BCL7C: variants seen among roughly 807,000 people sequenced by gnomAD.
BCL7C encodes the protein BAF chromatin remodeling complex subunit BCL7C, also known as B-cell CLL/lymphoma 7 protein family member C.
BCL7C carries 8 observed loss-of-function variants against 26.2 expected under a neutral mutation model. The ratio of observed to expected loss-of-function variants is 0.30; its 90% CI spans 0.18 to 0.55. The LOEUF (loss-of-function observed/expected upper bound fraction) is 0.55, where lower values mean the gene tolerates loss of function less well. Among genes scored for constraint, BCL7C ranks in the 20% least tolerant of loss-of-function variants. The pLI is 0.93. For missense variants in BCL7C, 262 were observed against 298.5 expected, an observed-to-expected ratio of 0.88 and a Z score of 0.90; for synonymous variants, 90 against 116.5, an observed-to-expected ratio of 0.77 and a Z score of 1.47.
At chr16:30,838,454 C>T (rs1216692893) in intron 5 of BCL7C, among the ~76,000 whole-genome samples, 1 of 152,094 alleles carries the variant, frequency 6.6e-6, no homozygotes. Flanking sequence ...GGGTTTGCTC[C>T]TTGGAGGATT....
chr16:30,848,448 C>T (rs2054649026), intron 5 of BCL7C, among the ~76,000 whole-genome samples: 1 of 152,138 alleles, frequency 6.6e-6, no homozygotes, highest in African/African-American at 2.4e-5. Context: ...CAGCAGAGAC[C>T]ACCAGGCAAT....
At chr16:30,890,907 C>G (rs1047958224) in intron 4 of BCL7C, among the ~76,000 whole-genome samples, 2 of 152,052 alleles carry the variant, frequency 1.3e-5, no homozygotes, top group African/African-American at 4.8e-5. Flanking sequence ...ATCGCTTGAA[C>G]CCGGGAGGCA....
intron 5 of BCL7C, among the ~76,000 whole-genome samples, chr16:30,836,249 G>A (rs888386315): frequency 5.9e-5 from 9 of 152,036 alleles, no homozygotes; most frequent in Admixed American, 3.3e-4. Flanking sequence ...GCAAGAATCC[G>A]TCTCAAAAAC....
At chr16:30,880,779 G>A (rs62058601) in intron 5 of BCL7C, among the ~76,000 whole-genome samples, 1 of 151,940 alleles carries the variant, frequency 6.6e-6, no homozygotes, top group African/African-American at 2.4e-5. Flanking sequence ...GCTCACTGCA[G>A]TGTTGAACTT....
At chr16:30,848,590 T>C (rs983660770) in intron 5 of BCL7C, among the ~76,000 whole-genome samples, 8 of 152,080 alleles carry the variant, frequency 5.3e-5, no homozygotes, top group African/African-American at 1.9e-4. Context: ...CTATCCATTA[T>C]TGAAAGTAGG....
chr16:30,891,949 G>A (rs1555483813), intron 4 of BCL7C, among the ~76,000 whole-genome samples: 1 of 138,162 alleles, frequency 7.2e-6, no homozygotes, highest in Admixed American at 7.3e-5. Flanking sequence ...GGGTGACAGA[G>A]ACCTTGTCTC....
At chr16:30,867,749 C>T (rs1337513822) in intron 5 of BCL7C, among the ~76,000 whole-genome samples, 1 of 151,994 alleles carries the variant, frequency 6.6e-6, no homozygotes, top group Non-Finnish European at 1.5e-5. Context: ...GCCAAGATCG[C>T]GCCACTGCAC....
In BCL7C at chr16:30,865,701, G is replaced by A. The variant is rs186381591; in HGVS notation, c.528+23159C>T. Among the ~76,000 whole-genome samples, 333 of 150,418 alleles carry A rather than the reference G, an allele frequency of 2.2e-3. 2 individuals are homozygous for A. Among genetic ancestry groups the A allele is most frequent in the African/African-American group, 6.9e-3 (283 of 41,028 alleles). On this transcript the variant is annotated intron_variant, in intron 5 of 5. Coordinates refer to the BCL7C transcript ENST00000380317. ...CATCTGTATTTCCTGACATTTTACC[G>A]TGCACATACATATGGCTTTTTTTTT...
chr16:30,857,789 G>C (rs2054735855), intron 5 of BCL7C, among the ~76,000 whole-genome samples: 1 of 152,000 alleles, frequency 6.6e-6, no homozygotes, highest in Admixed American at 6.6e-5. Flanking sequence ...TGGCCGACAT[G>C]ATGAAACCCC....
At chr16:30,867,869 G>A (rs1457009777) in intron 5 of BCL7C, among the ~76,000 whole-genome samples, 5 of 152,118 alleles carry the variant, frequency 3.3e-5, no homozygotes, top group South Asian at 2.1e-4. Context: ...TGGAAGAATG[G>A]TCAGAAATGC....
exon 6 of BCL7C, chr16:30,833,782 T>A (rs1365899704): frequency 6.6e-6 from 1 of 152,204 alleles, no homozygotes; most frequent in East Asian, 1.9e-4. Flanking sequence ...CCAGGGAGTA[T>A]CTACTCACTT....
intron 5 of BCL7C, among the ~76,000 whole-genome samples, chr16:30,839,425 T>G (rs2054588661): frequency 6.6e-6 from 1 of 152,198 alleles, no homozygotes; most frequent in African/African-American, 2.4e-5. Flanking sequence ...CAAGCACTAA[T>G]TTAGGTGCTG....
chr16:30,875,440 T>A (rs1351643324), intron 5 of BCL7C: 2 of 152,306 alleles, frequency 1.3e-5, no homozygotes, highest in African/African-American at 4.8e-5. Context: ...CCTTAACCCT[T>A]CCCAAGGCTG....
At chr16:30,846,597 A>G (rs1372961578) in intron 5 of BCL7C, among the ~76,000 whole-genome samples, 1 of 152,144 alleles carries the variant, frequency 6.6e-6, no homozygotes, top group African/African-American at 2.4e-5. Context: ...ATTCTTTAGA[A>G]TTGTCTTTAG....
In BCL7C at chr16:30,893,778, G is replaced by T; in HGVS notation, c.92+75C>A. 7.3e-7 allele frequency: 1 copy of T among 1,367,718 alleles called. No individual in the cohort carries two copies. The highest frequency in any genetic ancestry group is 1.0e-6 in the Non-Finnish European group (1 of 975,782). The allele number at this position is 1,367,718 out of a possible 1,614,324, so 84.7% of individuals were successfully genotyped here. A position where few individuals can be genotyped will look rare whatever the true frequency, so the allele number is the denominator to read the frequency against. On this transcript the variant is annotated intron_variant, in intron 1 of 5. Transcript: ENST00000215115. This position sits in a 1 kb window ranked among gnomAD's most constrained non-coding sequence, Gnocchi z 5.2. ...CACCGAACACCCGGGGCCCAGAGCTGGCGAGGGCAGCGTAGACGCCTTTGG... is the reference window on the plus strand; with the variant it reads ...CACCGAACACCCGGGGCCCAGAGCTTGCGAGGGCAGCGTAGACGCCTTTGG...
chr16:30,850,434 G>A (rs996039960), intron 5 of BCL7C, among the ~76,000 whole-genome samples: 2 of 152,064 alleles, frequency 1.3e-5, no homozygotes, highest in African/African-American at 4.8e-5. Context: ...TCTGAGAAAT[G>A]TGTCATGGGC....
chr16:30,871,481 C>G (rs968317518), intron 5 of BCL7C, among the ~76,000 whole-genome samples: 1 of 152,050 alleles, frequency 6.6e-6, no homozygotes, highest in Non-Finnish European at 1.5e-5. Flanking sequence ...ATTCACCTAG[C>G]TCAATGTTAG....
downstream of BCL7C, among the ~76,000 whole-genome samples, chr16:30,883,841 A>G (rs539631595): frequency 6.8e-6 from 1 of 146,158 alleles, no homozygotes; most frequent in South Asian, 2.3e-4. Flanking sequence ...AACCAGGTCA[A>G]AGTGCCGGGC....
intron 5 of BCL7C, among the ~76,000 whole-genome samples, chr16:30,857,620 TAA>T (rs1220576835): frequency 6.6e-6 from 1 of 152,036 alleles, no homozygotes; most frequent in Non-Finnish European, 1.5e-5. Flanking sequence ...CAGAGCAAGT[TAA>T]AACACCACAA....
Sources: allele counts gnomAD v4.1 joint callset (sites outside exome capture counted in the v4.1 genomes callset), GRCh38; gene constraint gnomAD v4.1.1; non-coding constraint Gnocchi (gnomAD v3.1); transcripts MANE v1.5; gene names NCBI Gene and HGNC (gene_info 2026-07-23, HGNC 2026-07-21).